Variants in ATE1 observed in about 807,000 individuals in gnomAD.
The protein encoded by ATE1 is arginyl-tRNA--protein transferase 1.
In ATE1, 36 loss-of-function variants were observed where a neutral mutation model predicts 70.5. The observed-to-expected ratio is 0.51, with a 90% CI of 0.39 to 0.67. ATE1 has a LOEUF of 0.67. Ranked by LOEUF, ATE1 falls within the 30% of genes least tolerant of loss-of-function variation. The pLI, the probability that ATE1 is intolerant of heterozygous loss-of-function variation, is 0.00. For missense variants in ATE1, 593 were observed against 629.5 expected, an observed-to-expected ratio of 0.94 and a Z score of 0.62; for synonymous variants, 232 against 219.3, an observed-to-expected ratio of 1.06 and a Z score of -0.51.
At chr10:121,878,090 A>G (rs1950112387) in intron 7 of ATE1, among the ~76,000 whole-genome samples, 1 of 152,236 alleles carries the variant, frequency 6.6e-6, no homozygotes. Context: ...GATTTCACAC[A>G]GAATGTTAAG....
intron 8 of ATE1, 33 bp downstream of exon 8, chr10:121,869,973 A>G: frequency 6.4e-7 from 1 of 1,568,584 alleles, no homozygotes; most frequent in Non-Finnish European, 8.8e-7. Flanking sequence ...TCAATTACCA[A>G]TTCTAATATT....
intron 10 of ATE1, among the ~76,000 whole-genome samples, chr10:121,795,680 A>G (rs1946633436): frequency 6.6e-6 from 1 of 152,204 alleles, no homozygotes; most frequent in Admixed American, 6.5e-5. Context: ...TATTCTCACA[A>G]GCCGTCAAAG....
At chr10:121,808,708 C>T (rs917960516) in intron 10 of ATE1, among the ~76,000 whole-genome samples, 2 of 152,116 alleles carry the variant, frequency 1.3e-5, no homozygotes, top group African/African-American at 4.8e-5. Flanking sequence ...ATAAAAAATG[C>T]CCATTACACT....
chr10:121,748,991 AC>A (rs60684274), intron 11 of ATE1, among the ~76,000 whole-genome samples: 20,359 of 152,120 alleles, frequency 0.13, 1,590 homozygotes, highest in Admixed American at 0.26. Context: ...CTTGATGGAA[AC>A]TTTTTAATTA....
chr10:121,824,500 C>A (rs1206941355), intron 10 of ATE1, among the ~76,000 whole-genome samples: 1 of 152,172 alleles, frequency 6.6e-6, no homozygotes. Flanking sequence ...TAAGGCCAAG[C>A]ACCTACTTTT....
chr10:121,755,587 G>T (rs1944765927), intron 11 of ATE1, among the ~76,000 whole-genome samples: 2 of 152,200 alleles, frequency 1.3e-5, no homozygotes, highest in Admixed American at 6.5e-5. Context: ...ATTTACAAAA[G>T]AAAGAGGCTT....
chr10:121,793,838 T>C (rs543887296), intron 10 of ATE1, among the ~76,000 whole-genome samples: 1 of 152,322 alleles, frequency 6.6e-6, no homozygotes, highest in South Asian at 2.1e-4. Context: ...AAATCGATAA[T>C]TTTTAAAAAT....
chr10:121,846,741 T>TAAAA (rs372066058), intron 8 of ATE1: 82 of 148,830 alleles, frequency 5.5e-4, no homozygotes, highest in Non-Finnish European at 1.0e-3. Flanking sequence ...AATAAATAAA[T>TAAAA]AAAATGTTAT....
intron 6 of ATE1, 128 bp from the exon 7 acceptor site, chr10:121,900,122 A>C: frequency 9.3e-7 from 1 of 1,070,246 alleles, no homozygotes; most frequent in Non-Finnish European, 1.3e-6. Context: ...TAAATATTTT[A>C]ATATTAAAAA....
At chr10:121,883,301 A>G (rs993487580) in intron 7 of ATE1, among the ~76,000 whole-genome samples, 6 of 152,182 alleles carry the variant, frequency 3.9e-5, no homozygotes, top group African/African-American at 1.4e-4. Flanking sequence ...CACAAGAGCA[A>G]GAGATCTTTA....
At chr10:121,928,099 T>A, upstream of ATE1, 3 of 1,218,266 alleles carry the variant, frequency 2.5e-6, no homozygotes, top group Non-Finnish European at 3.1e-6. Context: ...GCCCGGCGCC[T>A]CTTGGAGCTG....
chr10:121,808,379 T>C (rs1191458835), intron 10 of ATE1, among the ~76,000 whole-genome samples: 1 of 151,940 alleles, frequency 6.6e-6, no homozygotes, highest in Admixed American at 6.6e-5. Flanking sequence ...CAACAGCAGG[T>C]TACAGCTCAA....
At chr10:121,875,596 C>T (rs548459257) in intron 7 of ATE1, among the ~76,000 whole-genome samples, 5 of 152,252 alleles carry the variant, frequency 3.3e-5, no homozygotes, top group East Asian at 1.9e-4. Context: ...TGAGCCACCG[C>T]GCCCAGCCAG....
At chr10:121,836,350 A>G (rs542007071) in intron 10 of ATE1, among the ~76,000 whole-genome samples, 1 of 152,240 alleles carries the variant, frequency 6.6e-6, no homozygotes, top group East Asian at 1.9e-4. Context: ...CGTGTTTGTT[A>G]TTGCTATCGC....
chr10:121,862,338 T>A (rs918087819), intron 8 of ATE1, among the ~76,000 whole-genome samples: 3 of 151,988 alleles, frequency 2.0e-5, no homozygotes, highest in Non-Finnish European at 2.9e-5. Context: ...CTCCAAGCAA[T>A]GATACTTCTT....
chr10:121,826,105 C>G (rs757516768), intron 10 of ATE1, among the ~76,000 whole-genome samples: 4 of 151,976 alleles, frequency 2.6e-5, no homozygotes, highest in Admixed American at 1.3e-4. Context: ...TTTGAGGTAC[C>G]TAGAATAGTC....
chr10:121,870,173 A>G (rs1437011427), intron 7 of ATE1, 135 bp from the exon 8 acceptor site: 31 of 778,298 alleles, frequency 4.0e-5, no homozygotes, highest in Non-Finnish European at 6.4e-5. Flanking sequence ...ATAGAAAATT[A>G]ATGTGTCCAT....
intron 10 of ATE1, among the ~76,000 whole-genome samples, chr10:121,792,205 C>G (rs1226812541): frequency 6.6e-6 from 1 of 152,110 alleles, no homozygotes; most frequent in Non-Finnish European, 1.5e-5. Context: ...ACGGCATAAA[C>G]AAAGACACAG....
intron 11 of ATE1, among the ~76,000 whole-genome samples, chr10:121,748,025 G>C (rs184914202): frequency 1.3e-5 from 2 of 152,300 alleles, no homozygotes; most frequent in Non-Finnish European, 1.5e-5. Flanking sequence ...AGATCGGTGA[G>C]ATCAGCAAGT....
Sources: allele counts gnomAD v4.1 joint callset (sites outside exome capture counted in the v4.1 genomes callset), GRCh38; gene constraint gnomAD v4.1.1; transcripts MANE v1.5; gene names NCBI Gene and HGNC (gene_info 2026-07-23, HGNC 2026-07-21).